The following NTN1 variants were observed in gnomAD, a reference collection of about 807,000 sequenced individuals.
NTN1 encodes netrin 1.
NTN1 carries 11 observed loss-of-function variants against 54.2 expected under a neutral mutation model. The observed-to-expected ratio is 0.20, with a 90% CI of 0.13 to 0.34. NTN1 has a LOEUF of 0.34. NTN1 is among the 10% of genes least tolerant of loss of function. The pLI is 1.00. For missense variants in NTN1, 740 were observed against 893.1 expected, an observed-to-expected ratio of 0.83 and a Z score of 2.18; for synonymous variants, 371 against 382.0, an observed-to-expected ratio of 0.97 and a Z score of 0.33.
chr17:9,006,478 T>G, the NTN1 span, among the ~76,000 whole-genome samples: 1 of 152,136 alleles, frequency 6.6e-6, no homozygotes, highest in East Asian at 1.9e-4. Flanking sequence ...GCCTTGGCTC[T>G]GTTGAAAAGG....
At chr17:9,169,376 C>T (rs74329701) in intron 3 of NTN1, among the ~76,000 whole-genome samples, 6,274 of 152,312 alleles carry the variant, frequency 0.041, 536 homozygotes, top group East Asian at 0.36. Flanking sequence ...GGTGGTTTGA[C>T]TGCAGTCTTT....
intron 2 of NTN1, among the ~76,000 whole-genome samples, chr17:9,131,048 T>G (rs1332545891): frequency 1.3e-5 from 2 of 152,132 alleles, no homozygotes; most frequent in African/African-American, 2.4e-5. Flanking sequence ...CTCCTTGCTC[T>G]TTCTCCGCTC....
intron 5 of NTN1, among the ~76,000 whole-genome samples, chr17:9,190,469 A>G (rs1376454020): frequency 1.3e-5 from 2 of 152,232 alleles, no homozygotes; most frequent in Non-Finnish European, 2.9e-5. Context: ...GATTTGCCCT[A>G]CCAGATATTT....
At chr17:9,116,099 A>G (rs2092211222) in intron 2 of NTN1, among the ~76,000 whole-genome samples, 1 of 152,136 alleles carries the variant, frequency 6.6e-6, no homozygotes, top group African/African-American at 2.4e-5. Context: ...AACCGAACAC[A>G]TTGCCTCTTG....
At chr17:9,005,271 A>C in the NTN1 span, among the ~76,000 whole-genome samples, 1 of 152,206 alleles carries the variant, frequency 6.6e-6, no homozygotes, top group South Asian at 2.1e-4. Flanking sequence ...ATCCTTCCAC[A>C]GATTCTAGAG....
chr17:9,081,649 C>T (rs998194881), intron 2 of NTN1, among the ~76,000 whole-genome samples: 1 of 152,174 alleles, frequency 6.6e-6, no homozygotes, highest in Non-Finnish European at 1.5e-5. Context: ...AGAGAGAGCT[C>T]TGGCCTCAGG....
chr17:9,054,808 A>G (rs1455223896), intron 2 of NTN1, among the ~76,000 whole-genome samples: 1 of 152,200 alleles, frequency 6.6e-6, no homozygotes, highest in African/African-American at 2.4e-5. Context: ...GCCGGGCAGC[A>G]CAGCGAAAGC....
chr17:9,131,729 C>T (rs2092265953), intron 2 of NTN1, among the ~76,000 whole-genome samples: 1 of 152,024 alleles, frequency 6.6e-6, no homozygotes, highest in Non-Finnish European at 1.5e-5. Context: ...TACAGGCATG[C>T]ACCTCCACGC....
At chr17:9,066,949 C>T (rs556434590) in intron 2 of NTN1, among the ~76,000 whole-genome samples, 32 of 140,278 alleles carry the variant, frequency 2.3e-4, no homozygotes, top group Non-Finnish European at 3.6e-4. Flanking sequence ...TGCAGTGAGC[C>T]GAGACTGCAC....
At chr17:9,222,145 T>C (rs1050068878) in intron 6 of NTN1, among the ~76,000 whole-genome samples, 2 of 152,116 alleles carry the variant, frequency 1.3e-5, no homozygotes, top group African/African-American at 4.8e-5. Context: ...GCACGGGGCC[T>C]CTCCTTGACC....
rs572976977 is a variant in NTN1, at chr17:9,230,253, CA to C, written c.1486+9012del. Among the ~76,000 whole-genome samples the C allele has an allele frequency of 1.6e-4, 25 of 152,256 alleles. No homozygotes were observed. The East Asian group carries it at 4.6e-3, about 28-fold the overall frequency. The stretch of plus-strand genomic sequence containing the variant: ...CACCCTGGGGGCTGTCCCCCAAGGT[CA>C]GGGCCCCTGCTGTGGGCCCAGAGGC... On this transcript the variant is annotated intron_variant, in intron 6 of 6. Coordinates refer to ENST00000173229, the MANE Select transcript of NTN1 (RefSeq NM_004822.3).
chr17:9,111,737 G>C (rs138954260), intron 2 of NTN1, among the ~76,000 whole-genome samples: 71 of 152,178 alleles, frequency 4.7e-4, no homozygotes, highest in Non-Finnish European at 9.9e-4. Context: ...AAGTAAACTA[G>C]AGAAAAGAAA....
intron 5 of NTN1, among the ~76,000 whole-genome samples, chr17:9,217,491 G>A (rs1905240535): frequency 1.3e-5 from 2 of 152,182 alleles, no homozygotes; most frequent in Non-Finnish European, 1.5e-5. Flanking sequence ...TTTTAAAGGT[G>A]TGGTTTGTCC....
At chr17:9,090,925 C>T (rs1164543245) in intron 2 of NTN1, among the ~76,000 whole-genome samples, 4 of 152,172 alleles carry the variant, frequency 2.6e-5, no homozygotes, top group Middle Eastern at 3.4e-3. Flanking sequence ...TCCCCTCCAC[C>T]GGGACCCTCA....
Position 9,185,962 on chromosome 17 carries a change from C to T in NTN1, c.1411+2993C>T, listed in dbSNP as rs534241206. On this transcript the variant is annotated intron_variant, in intron 5 of 6. Coordinates refer to ENST00000173229, the MANE Select transcript of NTN1 (RefSeq NM_004822.3). ...GAAGAATGAAGGGGTGGACCCAGTG[C>T]TCCACAGGCCCTTCCCTCCCTGGCT... 5.3e-5 allele frequency among the ~76,000 whole-genome samples: 8 copies of T among 152,278 alleles called. 1 individual carries two copies. The East Asian group carries it at 1.5e-3, about 29-fold the overall frequency.
intron 5 of NTN1, among the ~76,000 whole-genome samples, chr17:9,190,225 A>C (rs1904415857): frequency 6.6e-6 from 1 of 152,244 alleles, no homozygotes; most frequent in African/African-American, 2.4e-5. Context: ...TGTAAAGAAA[A>C]GAACAAGACT....
chr17:9,226,284 G>A (rs565851252), intron 6 of NTN1, among the ~76,000 whole-genome samples: 71 of 152,250 alleles, frequency 4.7e-4, no homozygotes, highest in South Asian at 1.2e-3. Context: ...AGGGAGCTTC[G>A]CCGCCGGGGC....
chr17:9,110,894 C>G (rs1424110045), intron 2 of NTN1, among the ~76,000 whole-genome samples: 1 of 151,626 alleles, frequency 6.6e-6, no homozygotes, highest in Non-Finnish European at 1.5e-5. Context: ...TTTCTGCCAC[C>G]CATTATTGGG....
In NTN1 at chr17:9,022,746, T is replaced by A. The variant is rs779337164; in HGVS notation, c.373T>A (p.Tyr125Asn). 5.6e-6 allele frequency: 9 copies of A among 1,609,186 alleles called. No homozygotes were observed. The highest frequency in any genetic ancestry group is 6.8e-6 in the Non-Finnish European group (8 of 1,178,464). Reference sequence around the variant, plus strand: ...CCTGACGTGCTGGCAGTCCGAGAACTACCTGCAGTTCCCGCACAACGTCAC... The same window carrying A: ...CCTGACGTGCTGGCAGTCCGAGAACAACCTGCAGTTCCCGCACAACGTCAC... ...HNLTCWQSEN[Y>N]LQFPHNVTLT... Residue 125 changes from tyrosine (Y) to asparagine (N), a missense_variant, in exon 2 of 7, where the codon TAC becomes AAC. Coordinates refer to ENST00000173229, the MANE Select transcript of NTN1 (RefSeq NM_004822.3).
Sources: allele counts gnomAD v4.1 joint callset (sites outside exome capture counted in the v4.1 genomes callset), GRCh38; gene constraint gnomAD v4.1.1; transcripts MANE v1.5; gene names NCBI Gene and HGNC (gene_info 2026-07-23, HGNC 2026-07-21).